Variants in BTRC observed in about 807,000 individuals in gnomAD.
BTRC encodes beta-transducin repeat containing E3 ubiquitin protein ligase, also known as F-box/WD repeat-containing protein 1A.
Under a neutral mutation model 85.5 loss-of-function variants are expected in BTRC, and 42 were observed. That is an observed-to-expected ratio of 0.49 (90% CI 0.38 to 0.64). The LOEUF (loss-of-function observed/expected upper bound fraction) is 0.64, where lower values mean the gene tolerates loss of function less well. Among genes scored for constraint, BTRC ranks in the 30% least tolerant of loss-of-function variants. The pLI, the probability that BTRC is intolerant of heterozygous loss-of-function variation, is 0.00. For missense variants in BTRC, 594 were observed against 743.5 expected (o/e 0.80, Z 2.34); for synonymous variants, 255 against 263.3 (o/e 0.97, Z 0.30).
intron 6 of BTRC, among the ~76,000 whole-genome samples, chr10:101,526,561 C>T (rs1184734715): frequency 6.6e-6 from 1 of 152,204 alleles, no homozygotes; most frequent in Non-Finnish European, 1.5e-5. Context: ...GGGCAGATCA[C>T]TCGAGGCCAG....
At chr10:101,462,149 T>TG in intron 3 of BTRC, 91 bp downstream of exon 3, 1 of 1,043,646 alleles carries the variant, frequency 9.6e-7, no homozygotes, top group East Asian at 2.5e-5. Flanking sequence ...CTTTAAGCAC[T>TG]GGAGCTTATA....
intron 2 of BTRC, among the ~76,000 whole-genome samples, chr10:101,436,860 T>G (rs1341746193): frequency 6.6e-6 from 1 of 152,212 alleles, no homozygotes; most frequent in East Asian, 1.9e-4. Context: ...AATTTTACCA[T>G]GTACAAAGTG....
intron 4 of BTRC, among the ~76,000 whole-genome samples, chr10:101,485,503 A>C (rs1470892783): frequency 2.0e-5 from 3 of 152,216 alleles, no homozygotes; most frequent in Non-Finnish European, 4.4e-5. Flanking sequence ...TGGCCCTTGA[A>C]TATAGACAGA....
intron 2 of BTRC, among the ~76,000 whole-genome samples, chr10:101,451,001 A>G (rs1944942870): frequency 6.6e-6 from 1 of 152,180 alleles, no homozygotes; most frequent in African/African-American, 2.4e-5. Flanking sequence ...ATGAAGCTTA[A>G]TGTCAAAGAT....
intron 1 of BTRC, among the ~76,000 whole-genome samples, chr10:101,391,118 A>G (rs1462462649): frequency 1.3e-5 from 2 of 152,196 alleles, no homozygotes; most frequent in Non-Finnish European, 2.9e-5. Flanking sequence ...CTTTTAAAAC[A>G]ACTTGTACAG....
intron 1 of BTRC, among the ~76,000 whole-genome samples, chr10:101,402,949 C>T (rs903510182): frequency 6.6e-6 from 1 of 152,142 alleles, no homozygotes; most frequent in Non-Finnish European, 1.5e-5. Flanking sequence ...TCAGTTTTAT[C>T]TGGTGTTTTC....
rs572739951 is a variant in BTRC at position 101,410,174 on chromosome 10, G to A, written c.49-20171G>A. Among the ~76,000 whole-genome samples, 10 of 152,216 alleles carry A rather than the reference G, an allele frequency of 6.6e-5. No individual in the cohort carries two copies. The South Asian group carries it at 2.1e-3, about 32-fold the overall frequency. ...GATAAAGCTTCTTCTAGTACATCTG[G>A]ATTTCCTGGTATGCTTCTCTCCTAA... is the stretch of plus-strand genomic sequence containing the variant. On this transcript the variant is annotated intron_variant, in intron 1 of 14. Transcript: ENST00000370187.
chr10:101,450,492 G>A (rs771527384), intron 2 of BTRC, among the ~76,000 whole-genome samples: 1 of 152,122 alleles, frequency 6.6e-6, no homozygotes, highest in Non-Finnish European at 1.5e-5. Context: ...TCAGTGCTTA[G>A]TTGAGCTTGT....
intron 4 of BTRC, among the ~76,000 whole-genome samples, chr10:101,504,201 A>G (rs1946459815): frequency 6.6e-6 from 1 of 152,260 alleles, no homozygotes; most frequent in Non-Finnish European, 1.5e-5. Context: ...AAGAACAACC[A>G]GATTCCAGAC....
At chr10:101,451,152 A>G (rs1218981381) in intron 2 of BTRC, among the ~76,000 whole-genome samples, 1 of 152,228 alleles carries the variant, frequency 6.6e-6, no homozygotes, top group African/African-American at 2.4e-5. Context: ...TTTCTGTGCC[A>G]GGAATAGTTT....
intron 2 of BTRC, among the ~76,000 whole-genome samples, chr10:101,458,793 C>T (rs1945145736): frequency 6.6e-6 from 1 of 152,134 alleles, no homozygotes; most frequent in African/African-American, 2.4e-5. Context: ...GTGCTGTTTT[C>T]AGTACATCAT....
intron 13 of BTRC, among the ~76,000 whole-genome samples, chr10:101,538,770 G>T (rs893274563): frequency 6.6e-6 from 1 of 152,046 alleles, no homozygotes; most frequent in African/African-American, 2.4e-5. Flanking sequence ...CCTGGGGGCC[G>T]GGTGCGGTGG....
At chr10:101,369,269 G>A (rs1364965120) in intron 1 of BTRC, among the ~76,000 whole-genome samples, 1 of 150,496 alleles carries the variant, frequency 6.6e-6, no homozygotes, top group Non-Finnish European at 1.5e-5. Context: ...CCAGGCTCTC[G>A]AGTACACTGG....
intron 1 of BTRC, among the ~76,000 whole-genome samples, chr10:101,428,634 GTCCCTACT>G (rs968191852): frequency 1.3e-5 from 2 of 152,158 alleles, no homozygotes; most frequent in Non-Finnish European, 2.9e-5. Flanking sequence ...CAAGATTCTA[GTCCCTACT>G]TCCCTACTTT....
intron 11 of BTRC, among the ~76,000 whole-genome samples, chr10:101,535,751 A>G (rs1201899531): frequency 1.3e-5 from 2 of 152,216 alleles, no homozygotes; most frequent in African/African-American, 2.4e-5. Flanking sequence ...ATGAAAAGAA[A>G]GATTTGTTTC....
intron 1 of BTRC, among the ~76,000 whole-genome samples, chr10:101,427,165 T>C (rs1944278588): frequency 6.8e-6 from 1 of 148,078 alleles, no homozygotes. Flanking sequence ...GTCGCCAGGC[T>C]GGAGTGCAGT....
At chr10:101,421,106 T>C (rs1200071372) in intron 1 of BTRC, among the ~76,000 whole-genome samples, 2 of 151,890 alleles carry the variant, frequency 1.3e-5, no homozygotes, top group African/African-American at 4.8e-5. Context: ...CTACCACTAC[T>C]GTTCTTCTAG....
At chr10:101,498,341 A>T (rs955432270) in intron 4 of BTRC, among the ~76,000 whole-genome samples, 7 of 151,762 alleles carry the variant, frequency 4.6e-5, no homozygotes, top group African/African-American at 1.5e-4. Context: ...TTTAGTAGAG[A>T]TGGGGGTTTC....
chr10:101,483,867 G>T (rs942969039), intron 4 of BTRC, among the ~76,000 whole-genome samples: 2 of 151,592 alleles, frequency 1.3e-5, no homozygotes, highest in African/African-American at 4.9e-5. Flanking sequence ...TTTTTAATTG[G>T]TAAAGAAAAC....
Sources: allele counts gnomAD v4.1 joint callset (sites outside exome capture counted in the v4.1 genomes callset), GRCh38; gene constraint gnomAD v4.1.1; transcripts MANE v1.5; gene names NCBI Gene and HGNC (gene_info 2026-07-23, HGNC 2026-07-21).